ZMAT4: variants seen among roughly 807,000 people sequenced by gnomAD.
ZMAT4 encodes zinc finger matrin-type protein 4.
Under a neutral mutation model 28.7 loss-of-function variants are expected in ZMAT4, and 17 were observed. The observed-to-expected ratio is 0.59, with a 90% confidence interval of 0.41 to 0.89. ZMAT4 has a LOEUF of 0.89. Among genes scored for constraint, ZMAT4 ranks in the 40% least tolerant of loss-of-function variants. ZMAT4 has a pLI of 0.00. For synonymous variants in ZMAT4, 117 were observed against 109.2 expected, an observed-to-expected ratio of 1.07 and a Z score of -0.44; for missense variants, 240 against 283.8, an observed-to-expected ratio of 0.85 and a Z score of 1.11.
intron 2 of ZMAT4, among the ~76,000 whole-genome samples, chr8:40,815,820 C>T (rs1246963849): frequency 6.6e-6 from 1 of 152,148 alleles, no homozygotes; most frequent in Non-Finnish European, 1.5e-5. Flanking sequence ...TATTCTTTTG[C>T]CTTTTAGACA....
At chr8:40,540,313 T>C (rs1016042960) in intron 6 of ZMAT4, among the ~76,000 whole-genome samples, 1 of 152,162 alleles carries the variant, frequency 6.6e-6, no homozygotes, top group East Asian at 1.9e-4. Context: ...GAAGGGTCCC[T>C]CCTTCCCTTT....
chr8:40,793,192 G>A (rs186871402), intron 2 of ZMAT4, among the ~76,000 whole-genome samples: 3 of 152,308 alleles, frequency 2.0e-5, no homozygotes, highest in Admixed American at 6.5e-5. Context: ...CGTGGTGAGA[G>A]GGGGGTACAT....
At chr8:40,702,806 C>T (rs1380539018) in intron 3 of ZMAT4, among the ~76,000 whole-genome samples, 2 of 152,094 alleles carry the variant, frequency 1.3e-5, no homozygotes, top group East Asian at 3.9e-4. Flanking sequence ...CAATGTGAAG[C>T]AATCACTACT....
chr8:40,884,168 A>C (rs2150666229), intron 1 of ZMAT4, among the ~76,000 whole-genome samples: 1 of 152,120 alleles, frequency 6.6e-6, no homozygotes, highest in South Asian at 2.1e-4. Context: ...AAGGCATCCA[A>C]GAGGGTCCCC....
intron 3 of ZMAT4, among the ~76,000 whole-genome samples, chr8:40,747,815 T>C (rs1812300684): frequency 6.6e-6 from 1 of 152,198 alleles, no homozygotes; most frequent in Non-Finnish European, 1.5e-5. Flanking sequence ...ACCATTCATT[T>C]CTGGGGTTGC....
chr8:40,588,806 AT>A (rs1452849194), intron 5 of ZMAT4, among the ~76,000 whole-genome samples: 3 of 152,152 alleles, frequency 2.0e-5, no homozygotes, highest in Non-Finnish European at 2.9e-5. Context: ...AAAGGAGCAA[AT>A]ACTTAGTGTT....
chr8:40,864,025 A>G (rs909079071), intron 1 of ZMAT4, among the ~76,000 whole-genome samples: 1 of 152,210 alleles, frequency 6.6e-6, no homozygotes, highest in African/African-American at 2.4e-5. Flanking sequence ...TAGGGAAGGT[A>G]CTCAGTCACC....
chr8:40,738,070 G>C (rs1811848301), intron 3 of ZMAT4, among the ~76,000 whole-genome samples: 1 of 152,076 alleles, frequency 6.6e-6, no homozygotes, highest in Non-Finnish European at 1.5e-5. Flanking sequence ...AAGGGACGGG[G>C]GATATGGATG....
chr8:40,635,413 A>G (rs191356542), intron 5 of ZMAT4, among the ~76,000 whole-genome samples: 2 of 151,958 alleles, frequency 1.3e-5, no homozygotes, highest in Non-Finnish European at 2.9e-5. Context: ...ACAGACATAC[A>G]CTCACACCTC....
At chr8:40,548,379 C>T (rs1474501023) in intron 6 of ZMAT4, among the ~76,000 whole-genome samples, 1 of 152,068 alleles carries the variant, frequency 6.6e-6, no homozygotes, top group Non-Finnish European at 1.5e-5. Context: ...TTTTAAAATG[C>T]TATTTTGAAA....
intron 3 of ZMAT4, among the ~76,000 whole-genome samples, chr8:40,704,555 T>A (rs1810275360): frequency 6.6e-6 from 1 of 152,274 alleles, no homozygotes; most frequent in Non-Finnish European, 1.5e-5. Flanking sequence ...ATTAGCATTT[T>A]GTTTTTGTTT....
chr8:40,614,429 T>G (rs1241267248), intron 5 of ZMAT4, among the ~76,000 whole-genome samples: 1 of 152,206 alleles, frequency 6.6e-6, no homozygotes, highest in Non-Finnish European at 1.5e-5. Context: ...GTTCTGTAGA[T>G]GTCTATTAGG....
intron 3 of ZMAT4, among the ~76,000 whole-genome samples, chr8:40,716,644 A>G (rs531324800): frequency 6.6e-6 from 1 of 152,290 alleles, no homozygotes; most frequent in Non-Finnish European, 1.5e-5. Context: ...GTGAACTGAG[A>G]TCGTGCCACT....
chr8:40,666,235 A>G (rs904165475), intron 5 of ZMAT4, among the ~76,000 whole-genome samples: 1 of 152,206 alleles, frequency 6.6e-6, no homozygotes, highest in Non-Finnish European at 1.5e-5. Flanking sequence ...TTATAATTCC[A>G]TAACTCAATA....
intron 5 of ZMAT4, among the ~76,000 whole-genome samples, chr8:40,592,874 T>C (rs1327276688): frequency 7.9e-5 from 12 of 152,232 alleles, no homozygotes; most frequent in Admixed American, 7.9e-4. Flanking sequence ...GTGGTCACTA[T>C]GGCAAACTGC....
chr8:40,736,541 G>T (rs1215380833), intron 3 of ZMAT4, among the ~76,000 whole-genome samples: 1 of 152,100 alleles, frequency 6.6e-6, no homozygotes, highest in Non-Finnish European at 1.5e-5. Context: ...AAAATGAAGA[G>T]GCATCATGGC....
intron 1 of ZMAT4, among the ~76,000 whole-genome samples, chr8:40,829,430 T>C (rs2150616100): frequency 6.6e-6 from 1 of 152,324 alleles, no homozygotes; most frequent in South Asian, 2.1e-4. Context: ...CATTTTCACG[T>C]GCTGTCCGGG....
chr8:40,640,531 G>A (rs1806972239), intron 5 of ZMAT4, among the ~76,000 whole-genome samples: 2 of 152,114 alleles, frequency 1.3e-5, no homozygotes, highest in African/African-American at 4.8e-5. Context: ...TGATATCTAG[G>A]TTTGGTTTGC....
chr8:40,742,084 CAAA>C (rs761846118), intron 3 of ZMAT4, among the ~76,000 whole-genome samples: 1 of 8,474 alleles, frequency 1.2e-4, no homozygotes, highest in Non-Finnish European at 4.4e-4. Flanking sequence ...ACTAAAAATA[CAAA>C]AAAAAACAAA....
Sources: gnomAD v4.1 joint callset for allele counts (sites outside exome capture counted in the v4.1 genomes callset) on GRCh38, gnomAD v4.1.1 for gene constraint, MANE v1.5 for transcripts, NCBI Gene and HGNC (gene_info 2026-07-23, HGNC 2026-07-21) for gene names.